Variants in GDPD4 observed in about 807,000 individuals in gnomAD.
The protein encoded by GDPD4 is glycerophosphodiester phosphodiesterase domain containing 4.
GDPD4 carries 60 observed loss-of-function variants against 67.8 expected under a neutral mutation model. The observed-to-expected ratio is 0.88, with a 90% CI of 0.72 to 1.10. GDPD4 has a LOEUF of 1.10. Among genes scored for constraint, GDPD4 ranks in the 50% least tolerant of loss-of-function variants. The pLI, the probability that GDPD4 is intolerant of heterozygous loss-of-function variation, is 0.00. For synonymous variants in GDPD4, 212 were observed against 210.9 expected (o/e 1.00, Z -0.04); for missense variants, 623 against 613.9 (o/e 1.01, Z -0.16).
intron 2 of GDPD4, among the ~76,000 whole-genome samples, chr11:77,286,059 C>A (rs192675968): frequency 7.6e-4 from 116 of 152,328 alleles, no homozygotes; most frequent in Non-Finnish European, 1.5e-3. Context: ...TAAAACCACA[C>A]AACATTGGAC....
At chr11:77,225,709 C>G (rs989018354) in intron 16 of GDPD4, among the ~76,000 whole-genome samples, 2 of 152,066 alleles carry the variant, frequency 1.3e-5, no homozygotes, top group African/African-American at 4.8e-5. Context: ...GAAAAATACC[C>G]CCTCACACTA....
At chr11:77,285,621 G>C (rs1401763313) in intron 2 of GDPD4, among the ~76,000 whole-genome samples, 1 of 152,166 alleles carries the variant, frequency 6.6e-6, no homozygotes, top group East Asian at 1.9e-4. Context: ...AGAAGAAAGG[G>C]GGAATCAGAG....
In GDPD4 at chr11:77,296,666, G is replaced by T. The variant is rs563400793; in HGVS notation, c.-254+4939C>A. On this transcript the variant is annotated intron_variant, in intron 1 of 16. Transcript: ENST00000315938. The stretch of plus-strand genomic sequence containing the variant: ...GAACCTGTGAAAAGACTTTCTGGAG[G>T]AAATTGGTAGAAATTTGGTTATTAA... Among the ~76,000 whole-genome samples the T allele has an allele frequency of 2.0e-5, 3 of 152,058 alleles. No individual in the cohort carries two copies. The South Asian group carries it at 6.2e-4, about 32-fold the overall frequency.
At chr11:77,225,211 G>T (rs1221519309) in intron 16 of GDPD4, among the ~76,000 whole-genome samples, 1 of 151,566 alleles carries the variant, frequency 6.6e-6, no homozygotes, top group Non-Finnish European at 1.5e-5. Flanking sequence ...TGAGGCAGGA[G>T]AATCGCTTGA....
intron 5 of GDPD4, among the ~76,000 whole-genome samples, chr11:77,275,826 T>C (rs1225850812): frequency 6.6e-6 from 1 of 152,204 alleles, no homozygotes; most frequent in African/African-American, 2.4e-5. Context: ...GAGAGTATTC[T>C]TGTGACTGAA....
intron 11 of GDPD4, among the ~76,000 whole-genome samples, chr11:77,257,015 G>C (rs1445559036): frequency 6.6e-6 from 1 of 152,130 alleles, no homozygotes; most frequent in Admixed American, 6.5e-5. Flanking sequence ...CATGAAACAT[G>C]ATCAAACGGC....
chr11:77,294,127 C>T (rs868708701), intron 1 of GDPD4, among the ~76,000 whole-genome samples: 5 of 152,028 alleles, frequency 3.3e-5, no homozygotes, highest in South Asian at 4.1e-4. Context: ...ATTTACATCA[C>T]GAAACAGCAA....
In GDPD4 at chr11:77,221,719, G is replaced by A. The variant is rs149891122; in HGVS notation, c.1526-4405C>T. Reference sequence around the variant, plus strand: ...AGAATGTATATTCTGTTGATTTGGGGTGGACAGTTCTGTAGCTGTCTATTA... The same window carrying A: ...AGAATGTATATTCTGTTGATTTGGGATGGACAGTTCTGTAGCTGTCTATTA... On this transcript the variant is annotated intron_variant, in intron 16 of 16. Transcript: ENST00000315938. 7.1e-3 allele frequency among the ~76,000 whole-genome samples: 1,080 copies of A among 152,292 alleles called. 18 individuals are homozygous for A. The highest frequency in any genetic ancestry group is 0.024 in the African/African-American group (1,014 of 41,548).
chr11:77,231,193 G>A (rs753998565), intron 14 of GDPD4, among the ~76,000 whole-genome samples: 2 of 152,166 alleles, frequency 1.3e-5, no homozygotes, highest in Admixed American at 6.5e-5. Context: ...AACTGATAAA[G>A]TGTATATCAT....
In GDPD4 at chr11:77,264,569, T is replaced by A. The variant is rs112220029; in HGVS notation, c.707+3888A>T. Among the ~76,000 whole-genome samples, 509 of 152,250 alleles carry A rather than the reference T, an allele frequency of 3.3e-3. 1 individual carries two copies. Among genetic ancestry groups the A allele is most frequent in the African/African-American group, 0.011 (474 of 41,542 alleles). On this transcript the variant is annotated intron_variant, in intron 10 of 16. Transcript: ENST00000315938. The stretch of plus-strand genomic sequence containing the variant: ...GAAAGTCTTTCAAAAATGAAGGACT[T>A]CTCAAATGCTGAGAGAGTAAGATGA...
intron 9 of GDPD4, 122 bp downstream of exon 9, chr11:77,268,802 T>C: frequency 9.7e-7 from 1 of 1,033,080 alleles, no homozygotes; most frequent in Non-Finnish European, 1.4e-6. Context: ...GAACTCTTTA[T>C]TCTTGCCATC....
In GDPD4 at chr11:77,249,758, G is replaced by T. The variant is rs115217766; in HGVS notation, c.865-4256C>A. Among the ~76,000 whole-genome samples, 520 of 152,270 alleles carry T rather than the reference G, an allele frequency of 3.4e-3. 5 individuals are homozygous for T. The highest frequency in any genetic ancestry group is 0.012 in the African/African-American group (483 of 41,556). On this transcript the variant is annotated intron_variant, in intron 11 of 16. Coordinates refer to ENST00000315938, the MANE Select transcript of GDPD4 (RefSeq NM_182833.3). ...AACTCAAGGGGACACCTTGAGATAC[G>T]TGATTATGTTGCTTATTTGAAATCT...
intron 1 of GDPD4, among the ~76,000 whole-genome samples, chr11:77,296,750 T>C (rs1265416841): frequency 6.6e-6 from 1 of 151,992 alleles, no homozygotes; most frequent in Non-Finnish European, 1.5e-5. Flanking sequence ...AATGATGATA[T>C]GGCTGTGTAA....
At chr11:77,229,810 C>CCTA (rs944240914) in intron 14 of GDPD4, among the ~76,000 whole-genome samples, 5 of 152,164 alleles carry the variant, frequency 3.3e-5, no homozygotes, top group Admixed American at 3.3e-4. Context: ...TTACCCCTTA[C>CCTA]CTACATGCTC....
intron 13 of GDPD4, 35 bp downstream of exon 13, chr11:77,243,659 A>G: frequency 1.3e-6 from 2 of 1,570,098 alleles, no homozygotes; most frequent in Non-Finnish European, 1.8e-6. Context: ...TAAGTAAGGC[A>G]ATATGTGCCA....
intron 1 of GDPD4, among the ~76,000 whole-genome samples, chr11:77,298,863 CAG>C (rs1372276878): frequency 6.6e-6 from 1 of 151,732 alleles, no homozygotes; most frequent in Non-Finnish European, 1.5e-5. Flanking sequence ...ATTGTTATGC[CAG>C]AGTCAGGTTG....
At chr11:77,253,532 T>C (rs915397299) in intron 11 of GDPD4, among the ~76,000 whole-genome samples, 4 of 152,120 alleles carry the variant, frequency 2.6e-5, no homozygotes, top group Admixed American at 6.5e-5. Flanking sequence ...GGAAGCAGGG[T>C]ACTACAATTG....
At chr11:77,282,715 A>G (rs1187584523) in intron 3 of GDPD4, among the ~76,000 whole-genome samples, 2 of 152,142 alleles carry the variant, frequency 1.3e-5, no homozygotes, top group Non-Finnish European at 1.5e-5. Context: ...CAACAAAAAA[A>G]AAAACACAGA....
At position 77,300,580 on chromosome 11, in the gene GDPD4, C is replaced by T. The variant is rs994038584; in HGVS notation, c.-254+1025G>A. The stretch of plus-strand genomic sequence containing the variant: ...GAAAAAAAGTCTGTAAGGATATAGA[C>T]GACTGTAAAAGTTGATTAACTAGTC... On this transcript the variant is annotated intron_variant, in intron 1 of 16. Coordinates refer to ENST00000315938, the MANE Select transcript of GDPD4 (RefSeq NM_182833.3). 2.6e-5 allele frequency among the ~76,000 whole-genome samples: 4 copies of T among 151,414 alleles called. No homozygotes were observed. The South Asian group carries it at 6.2e-4, about 24-fold the overall frequency.
Sources: allele counts gnomAD v4.1 joint callset (sites outside exome capture counted in the v4.1 genomes callset), GRCh38; gene constraint gnomAD v4.1.1; transcripts MANE v1.5; gene names NCBI Gene and HGNC (gene_info 2026-07-23, HGNC 2026-07-21).